The following DOCK9 variants were observed in gnomAD, a reference collection of about 807,000 sequenced individuals.
DOCK9 encodes the protein dedicator of cytokinesis 9, also known as dedicator of cytokinesis protein 9.
A neutral mutation model predicts 263.3 loss-of-function variants in DOCK9; 89 were observed. The ratio of observed to expected loss-of-function variants is 0.34; its 90% CI spans 0.28 to 0.40. The LOEUF is 0.40. Among genes scored for constraint, DOCK9 ranks in the 10% least tolerant of loss-of-function variants. DOCK9 has a pLI of 1.00. For synonymous variants in DOCK9, 976 were observed against 973.1 expected (o/e 1.00, Z -0.06); for missense variants, 2,140 against 2,603.4 (o/e 0.82, Z 3.87).
intron 30 of DOCK9, among the ~76,000 whole-genome samples, chr13:98,865,620 G>A (rs1218989415): frequency 6.6e-6 from 1 of 152,174 alleles, no homozygotes; most frequent in Non-Finnish European, 1.5e-5. Context: ...GCCCTGCTGG[G>A]TCATGGGGAG....
rs1595375463 is a variant in DOCK9 at position 98,925,727 on chromosome 13, T to C, written c.416+110A>G. The C allele has an allele frequency of 1.5e-5, 10 of 683,530 alleles. No homozygotes were observed. In the East Asian group the frequency reaches 2.8e-4, roughly 19 times the overall value. 42.3% of individuals were successfully genotyped at this position (683,530 alleles called of 1,614,324 possible). A position where few individuals can be genotyped will look rare whatever the true frequency, so the allele number is the denominator to read the frequency against. ...AGTTACACCACATACACATAAACCA[T>C]CTAAAAATATTTTCCTCAATTACTC... On this transcript the variant is annotated intron_variant, in intron 4 of 52. Transcript: ENST00000682017.
chr13:98,940,542 G>A (rs1160186249), intron 2 of DOCK9, among the ~76,000 whole-genome samples: 1 of 152,144 alleles, frequency 6.6e-6, no homozygotes, highest in African/African-American at 2.4e-5. Context: ...AGGATTACAG[G>A]CGTGACTCAC....
upstream of DOCK9, among the ~76,000 whole-genome samples, chr13:99,086,957 G>A (rs987088907): frequency 6.6e-6 from 1 of 152,184 alleles, no homozygotes; most frequent in Middle Eastern, 3.4e-3. Context: ...ACGATGCGCG[G>A]TTTCGGAGCA....
chr13:98,910,856 T>C (rs1177997472), intron 9 of DOCK9, among the ~76,000 whole-genome samples: 4 of 152,100 alleles, frequency 2.6e-5, no homozygotes, highest in East Asian at 1.9e-4. Context: ...TGCACAGTTC[T>C]CTCTCCCCAC....
At chr13:98,935,087 T>C (rs2054603631) in intron 2 of DOCK9, among the ~76,000 whole-genome samples, 3 of 152,082 alleles carry the variant, frequency 2.0e-5, no homozygotes, top group Admixed American at 6.5e-5. Flanking sequence ...GGAGTCTAAA[T>C]TCAGTAAGGT....
chr13:98,993,392 A>G (rs920453532), intron 1 of DOCK9, among the ~76,000 whole-genome samples: 1 of 152,252 alleles, frequency 6.6e-6, no homozygotes, highest in African/African-American at 2.4e-5. Context: ...TCTACTTCAC[A>G]GCAGCCTTTG....
intron 4 of DOCK9, among the ~76,000 whole-genome samples, 176 bp downstream of exon 4, chr13:98,925,661 T>C (rs1212316776): frequency 2.0e-5 from 3 of 152,176 alleles, no homozygotes; most frequent in Admixed American, 2.0e-4. Context: ...AATACCAAAG[T>C]AGCATGTTTG....
chr13:98,885,874 C>T (rs2045617150), intron 19 of DOCK9, 43 bp from the exon 20 acceptor site: 2 of 1,566,870 alleles, frequency 1.3e-6, no homozygotes, highest in South Asian at 1.2e-5. Context: ...TCTAAAAACA[C>T]AGAAACTCTC....
chr13:98,910,217 A>G (rs2049787688), intron 9 of DOCK9, among the ~76,000 whole-genome samples: 1 of 152,238 alleles, frequency 6.6e-6, no homozygotes, highest in Non-Finnish European at 1.5e-5. Context: ...TGAAGTTTAT[A>G]ACCTGATTAT....
intron 1 of DOCK9, among the ~76,000 whole-genome samples, chr13:98,998,314 C>T (rs1056793241): frequency 2.6e-5 from 4 of 152,306 alleles, no homozygotes; most frequent in South Asian, 2.1e-4. Context: ...CCACCCTACC[C>T]TCAAGATGCA....
At chr13:98,863,615 C>T (rs1353827963) in intron 30 of DOCK9, 67 bp from the exon 31 acceptor site, 10 of 1,487,784 alleles carry the variant, frequency 6.7e-6, no homozygotes, top group Non-Finnish European at 9.0e-6. Context: ...AACAAACAAA[C>T]AAACAAACAA....
intron 45 of DOCK9, 51 bp downstream of exon 45, chr13:98,824,346 AG>A: frequency 6.5e-7 from 1 of 1,531,858 alleles, no homozygotes; most frequent in East Asian, 2.3e-5. Flanking sequence ...TGCAAACAGC[AG>A]GCTCCCAGAT....
intron 2 of DOCK9, among the ~76,000 whole-genome samples, chr13:98,932,726 GTCTA>G (rs1359561102): frequency 4.6e-5 from 7 of 152,106 alleles, no homozygotes; most frequent in African/African-American, 1.7e-4. Flanking sequence ...CTTGCACTGT[GTCTA>G]TCTTTGAAAG....
At chr13:98,980,500 C>T (rs987071388), upstream of DOCK9, among the ~76,000 whole-genome samples, 7 of 152,232 alleles carry the variant, frequency 4.6e-5, no homozygotes, top group Admixed American at 1.3e-4. Context: ...CAATACCAAT[C>T]ACCAGTCAGC....
intron 49 of DOCK9, among the ~76,000 whole-genome samples, chr13:98,803,592 A>G (rs1406110657): frequency 6.6e-6 from 1 of 152,208 alleles, no homozygotes; most frequent in Non-Finnish European, 1.5e-5. Context: ...ACCTTGGGTA[A>G]CCACTGACTT....
At position 98,914,413 on chromosome 13, in the gene DOCK9, A is replaced by G. The variant is rs958621181; in HGVS notation, c.893-18T>C. Reference sequence around the variant, plus strand: ...TTCATCATCTAAAATGGCAAAACAGATTATCGGAATCACTTGTAATTCATA... The same window carrying G: ...TTCATCATCTAAAATGGCAAAACAGGTTATCGGAATCACTTGTAATTCATA... On this transcript the variant is annotated intron_variant, in intron 8 of 52. Transcript: ENST00000682017. The G allele has an allele frequency of 1.9e-6, 3 of 1,598,430 alleles. No homozygotes were observed. The highest frequency in any genetic ancestry group is 1.7e-6 in the Non-Finnish European group (2 of 1,171,950).
intron 1 of DOCK9, among the ~76,000 whole-genome samples, chr13:98,987,725 T>G (rs1430872848): frequency 1.3e-5 from 2 of 152,256 alleles, no homozygotes; most frequent in Admixed American, 6.5e-5. Context: ...GATGCTCTTA[T>G]GAATTAAATA....
At chr13:98,975,362 A>G (rs1326008211) in intron 1 of DOCK9, among the ~76,000 whole-genome samples, 3 of 129,968 alleles carry the variant, frequency 2.3e-5, no homozygotes, top group Non-Finnish European at 4.9e-5. Context: ...ACTTTGTCTC[A>G]AAAAAAAAAA....
At chr13:99,018,941 A>G (rs541209421) in intron 1 of DOCK9, among the ~76,000 whole-genome samples, 4 of 152,296 alleles carry the variant, frequency 2.6e-5, no homozygotes, top group South Asian at 2.1e-4. Flanking sequence ...CTCTCCTGCT[A>G]ATACTGACAC....
Sources: allele counts gnomAD v4.1 joint callset (sites outside exome capture counted in the v4.1 genomes callset), GRCh38; gene constraint gnomAD v4.1.1; transcripts MANE v1.5; gene names NCBI Gene and HGNC (gene_info 2026-07-23, HGNC 2026-07-21).